Variants in BRCA1 observed in about 807,000 individuals in gnomAD.
BRCA1 encodes the protein breast cancer type 1 susceptibility protein.
In BRCA1, 140 loss-of-function variants were observed where a neutral mutation model predicts 173.7. That is an observed-to-expected ratio of 0.81 (90% CI 0.70 to 0.93). BRCA1 has a LOEUF of 0.93. BRCA1 is among the 40% of genes least tolerant of loss of function. The probability of loss-of-function intolerance (pLI) is 0.00; values close to 1 mark genes in which losing one functional copy is unlikely to be tolerated. For missense variants in BRCA1, 1,983 were observed against 2,172.5 expected (o/e 0.91, Z 1.73); for synonymous variants, 662 against 756.0 (o/e 0.88, Z 2.04).
At chr17:43,050,285 T>C in intron 20 of BRCA1, 1 of 390,922 alleles carries the variant, frequency 2.6e-6, no homozygotes, top group African/African-American at 2.1e-5. Context: ...AGCATAACAT[T>C]GTATTAAGTG....
At chr17:43,101,122 A>G (rs904406004) in intron 6 of BRCA1, among the ~76,000 whole-genome samples, 5 of 151,678 alleles carry the variant, frequency 3.3e-5, no homozygotes, top group African/African-American at 9.7e-5. Context: ...AAAGCCCAAC[A>G]TTACTTTTTT....
intron 1 of BRCA1, among the ~76,000 whole-genome samples, chr17:43,158,878 C>A (rs2056214422): frequency 6.6e-6 from 1 of 152,140 alleles, no homozygotes; most frequent in South Asian, 2.1e-4. Context: ...TAAAGTGTGT[C>A]TTGAGGGTGT....
intron 1 of BRCA1, chr17:43,153,680 T>G: frequency 6.6e-6 from 1 of 152,174 alleles, no homozygotes; most frequent in Admixed American, 6.6e-5. Flanking sequence ...CATCAGTCTC[T>G]CTGATTCCTT....
chr17:43,122,528 A>T (rs2055624156), intron 2 of BRCA1, among the ~76,000 whole-genome samples: 1 of 152,202 alleles, frequency 6.6e-6, no homozygotes, highest in Non-Finnish European at 1.5e-5. Context: ...GAGAAGCAGC[A>T]GGAATAGAAG....
intron 13 of BRCA1, 88 bp downstream of exon 13, chr17:43,076,400 G>C (rs1221762772): frequency 1.3e-6 from 2 of 1,527,880 alleles, no homozygotes; most frequent in African/African-American, 2.7e-5. Flanking sequence ...AAAAACTGGA[G>C]AAAGTATGGT....
chr17:43,135,044 G>T (rs2056005096), intron 1 of BRCA1, among the ~76,000 whole-genome samples: 1 of 152,250 alleles, frequency 6.6e-6, no homozygotes, highest in South Asian at 2.1e-4. Flanking sequence ...CGTTGTGGGT[G>T]GAGGGTACTT....
At position 43,100,595 on chromosome 17, in the gene BRCA1, T is replaced by TAA. The variant is rs1491092005; in HGVS notation, c.442-716_442-715insTT. 6.4e-3 allele frequency among the ~76,000 whole-genome samples: 398 copies of TAA among 61,958 alleles called. 56 individuals carry two copies. Among genetic ancestry groups the TAA allele is most frequent in the African/African-American group, 0.03 (370 of 12,448 alleles). The allele number at this position is 61,958 out of a possible 152,430, so 40.6% of individuals were successfully genotyped here. ...ATAACATATATATAACATATATATA[T>TAA]TATATATATATAACATATATATAAC... On this transcript the variant is annotated intron_variant, in intron 6 of 22. Transcript: ENST00000357654.
chr17:43,133,909 A>G (rs2055993462), intron 1 of BRCA1, among the ~76,000 whole-genome samples: 1 of 152,178 alleles, frequency 6.6e-6, no homozygotes, highest in Non-Finnish European at 1.5e-5. Flanking sequence ...TGCTAGGATT[A>G]CAGGCGTGAG....
intron 2 of BRCA1, chr17:43,119,396 A>G: frequency 4.4e-6 from 1 of 227,772 alleles, no homozygotes; most frequent in Non-Finnish European, 8.7e-6. Flanking sequence ...AGTGAAAAGA[A>G]AAACAATGAA....
At chr17:43,070,838 T>C in intron 15 of BRCA1, 90 bp downstream of exon 15, 1 of 1,425,454 alleles carries the variant, frequency 7.0e-7, no homozygotes. Context: ...TTTCTTCCTC[T>C]AGGTTATTAA....
At chr17:43,052,332 G>C (rs1017091001) in intron 19 of BRCA1, among the ~76,000 whole-genome samples, 1 of 151,966 alleles carries the variant, frequency 6.6e-6, no homozygotes, top group Non-Finnish European at 1.5e-5. Context: ...TCAGGCTGGA[G>C]TACAGTGGCA....
At chr17:43,082,163 C>T (rs1449455136) in intron 12 of BRCA1, among the ~76,000 whole-genome samples, 1 of 152,176 alleles carries the variant, frequency 6.6e-6, no homozygotes, top group East Asian at 1.9e-4. Flanking sequence ...ATGTATCTTC[C>T]ATGGGCTCCC....
chr17:43,169,559 A>C (rs1320464120), intron 1 of BRCA1, among the ~76,000 whole-genome samples: 1 of 151,518 alleles, frequency 6.6e-6, no homozygotes, highest in Admixed American at 6.6e-5. Flanking sequence ...TGTGCCCCCA[A>C]CCTGATCCTT....
rs1221088119 is a variant in BRCA1, at chr17:43,092,441, G to A, written c.3090C>T (p.Asn1030=). 4.3e-6 allele frequency: 7 copies of A among 1,613,860 alleles called. No homozygotes were observed. Among genetic ancestry groups the A allele is most frequent in the Non-Finnish European group, 5.9e-6 (7 of 1,179,970 alleles). ...PSTVSTISRN[N]IRENVFKEAS... is the part of the protein sequence containing the mutation. ...CTTCTTTAAAAACATTTTCTCTAATGTTATTACGGCTAATTGTGCTCACTG... is the reference window on the plus strand; with the variant it reads ...CTTCTTTAAAAACATTTTCTCTAATATTATTACGGCTAATTGTGCTCACTG... The change falls in exon 10 of 23, where the codon AAC becomes AAT. Residue 1030 remains asparagine, a synonymous_variant. Coordinates refer to ENST00000357654, the MANE Select transcript of BRCA1 (RefSeq NM_007294.4).
upstream of BRCA1, among the ~76,000 whole-genome samples, chr17:43,129,109 G>A (rs968110095): frequency 2.6e-5 from 4 of 152,226 alleles, no homozygotes; most frequent in African/African-American, 9.6e-5. Flanking sequence ...AAGACAAGGT[G>A]AGTCAGTCAC....
At chr17:43,149,913 C>A (rs777670620) in intron 1 of BRCA1, among the ~76,000 whole-genome samples, 3 of 151,996 alleles carry the variant, frequency 2.0e-5, no homozygotes, top group African/African-American at 7.3e-5. Context: ...CTCAACCACC[C>A]GAGTAGCTGG....
intron 1 of BRCA1, chr17:43,138,245 C>T (rs906177323): frequency 3.5e-5 from 7 of 201,994 alleles, no homozygotes; most frequent in Admixed American, 5.2e-5. Flanking sequence ...AACTTCCCTG[C>T]GGGCACATTT....
rs431825419 is a variant in BRCA1, at chr17:43,095,846, C to T, written c.670G>A (p.Ala224Thr). The T allele has an allele frequency of 6.2e-7, 1 of 1,612,828 alleles. No homozygotes were observed. Among genetic ancestry groups the T allele is most frequent in the Non-Finnish European group, 8.5e-7 (1 of 1,179,100 alleles). ...DEISLDSAKKAACEFSETDVT... is the reference protein window; with the variant it reads ...DEISLDSAKKTACEFSETDVT... ...TTAAGTTGGCAAACTTTGCCATTAC[C>T]CTTTTTTGCAGAATCCAAACTGATT... The change falls in exon 9 of 23, where the codon GCT becomes ACT. Residue 224 changes from alanine (A) to threonine (T), a missense_variant and splice_region_variant. Physicochemically the swap from Ala to Thr is moderately conservative, Grantham distance 58 (BLOSUM62 0). Coordinates refer to ENST00000357654, the MANE Select transcript of BRCA1 (RefSeq NM_007294.4).
chr17:43,076,283 C>A (rs570924244), intron 13 of BRCA1, among the ~76,000 whole-genome samples: 1 of 151,816 alleles, frequency 6.6e-6, no homozygotes, highest in African/African-American at 2.4e-5. Context: ...TCTATCTAAC[C>A]GCACATTTCT....
Sources: allele counts gnomAD v4.1 joint callset (sites outside exome capture counted in the v4.1 genomes callset), GRCh38; gene constraint gnomAD v4.1.1; transcripts MANE v1.5; gene names NCBI Gene and HGNC (gene_info 2026-07-23, HGNC 2026-07-21).